TUSC3: variants seen among roughly 807,000 people sequenced by gnomAD.
TUSC3 encodes dolichyl-diphosphooligosaccharide--protein glycosyltransferase subunit TUSC3.
In TUSC3, 45 loss-of-function variants were observed where a neutral mutation model predicts 44.8. The observed-to-expected ratio is 1.00, with a 90% CI of 0.79 to 1.29. TUSC3 has a LOEUF of 1.29. TUSC3 is among the 50% of genes most tolerant of loss of function. The pLI, the probability that TUSC3 is intolerant of heterozygous loss-of-function variation, is 0.00. For missense variants in TUSC3, 519 were observed against 437.9 expected (o/e 1.19, Z -1.65); for synonymous variants, 212 against 152.9 (o/e 1.39, Z -2.85).
chr8:15,686,896 G>A (rs955296373), intron 6 of TUSC3, among the ~76,000 whole-genome samples: 2 of 151,708 alleles, frequency 1.3e-5, no homozygotes, highest in African/African-American at 2.4e-5. Flanking sequence ...GTGAAACCCC[G>A]TCTCTACTAA....
At chr8:15,510,880 G>T (rs542307884) in intron 2 of TUSC3, among the ~76,000 whole-genome samples, 1 of 152,232 alleles carries the variant, frequency 6.6e-6, no homozygotes. Context: ...TTTAAAATTG[G>T]CAGAGGGCTC....
At chr8:15,678,103 T>C (rs1037833864) in intron 6 of TUSC3, among the ~76,000 whole-genome samples, 2 of 152,168 alleles carry the variant, frequency 1.3e-5, no homozygotes, top group African/African-American at 4.8e-5. Context: ...TGCTATGAGA[T>C]CTCTGGGAGC....
intron 1 of TUSC3, among the ~76,000 whole-genome samples, chr8:15,562,380 G>T (rs1478311075): frequency 7.2e-5 from 11 of 152,116 alleles, no homozygotes; most frequent in Non-Finnish European, 1.2e-4. Flanking sequence ...CTTAAGATGA[G>T]TAATCCACTT....
At chr8:15,667,870 C>A (rs1320272184) in intron 5 of TUSC3, among the ~76,000 whole-genome samples, 1 of 151,664 alleles carries the variant, frequency 6.6e-6, no homozygotes, top group Admixed American at 6.6e-5. Flanking sequence ...TTACAGTGGG[C>A]GTGAACATCT....
downstream of TUSC3, among the ~76,000 whole-genome samples, chr8:15,770,507 G>C (rs1812422102): frequency 6.6e-6 from 1 of 152,054 alleles, no homozygotes; most frequent in Non-Finnish European, 1.5e-5. Context: ...GTATACCTCT[G>C]TAACCTGCAT....
intron 1 of TUSC3, among the ~76,000 whole-genome samples, chr8:15,464,454 A>G (rs990225648): frequency 3.9e-5 from 6 of 152,182 alleles, no homozygotes; most frequent in African/African-American, 1.4e-4. Context: ...ATCTAGGCAT[A>G]ATAGGAAACA....
intron 5 of TUSC3, among the ~76,000 whole-genome samples, chr8:15,664,864 T>A (rs1807587511): frequency 6.6e-6 from 1 of 150,748 alleles, no homozygotes; most frequent in South Asian, 2.1e-4. Flanking sequence ...TATGTATATA[T>A]AAATATATAA....
the TUSC3 span, among the ~76,000 whole-genome samples, chr8:15,812,924 T>C: frequency 3.3e-5 from 5 of 152,008 alleles, 1 homozygote; most frequent in Non-Finnish European, 7.4e-5. Context: ...CGAAACCCCA[T>C]CTCTACTAAA....
At chr8:15,479,341 G>T (rs987652261) in intron 1 of TUSC3, among the ~76,000 whole-genome samples, 3 of 152,064 alleles carry the variant, frequency 2.0e-5, no homozygotes, top group African/African-American at 7.2e-5. Context: ...TGATGTTTTT[G>T]TCATGATATT....
intron 2 of TUSC3, among the ~76,000 whole-genome samples, chr8:15,648,114 A>G (rs563575648): frequency 6.6e-6 from 1 of 152,236 alleles, no homozygotes; most frequent in South Asian, 2.1e-4. Flanking sequence ...TGCCTGTTTG[A>G]AAAAGGACTT....
intron 1 of TUSC3, among the ~76,000 whole-genome samples, chr8:15,601,996 TC>T (rs1297082359): frequency 6.6e-6 from 1 of 151,524 alleles, no homozygotes; most frequent in East Asian, 1.9e-4. Context: ...CAATTGAGCA[TC>T]CCTGATCTAA....
Position 15,548,155 on chromosome 8 carries a change from T to G in TUSC3, c.138+7587T>G, listed in dbSNP as rs189440191. Among the ~76,000 whole-genome samples, 129 of 151,624 alleles carry G rather than the reference T, an allele frequency of 8.5e-4. 3 individuals carry two copies. The highest frequency in any genetic ancestry group is 3.2e-3 in the Admixed American group (48 of 15,152). On this transcript the variant is annotated intron_variant, in intron 1 of 10. Coordinates refer to ENST00000503731, the MANE Select transcript of TUSC3 (RefSeq NM_006765.4). ...TCCGTTGCCCCCTAGTTTATGGTAA[T>G]TTGTTATAGCAGCCCAAACGAACGA...
intron 2 of TUSC3, among the ~76,000 whole-genome samples, chr8:15,641,849 A>G (rs1224129353): frequency 6.6e-6 from 1 of 152,216 alleles, no homozygotes; most frequent in East Asian, 1.9e-4. Context: ...TGGTTATTTT[A>G]TATGTATCTA....
chr8:15,643,342 T>G (rs62502086), intron 2 of TUSC3, among the ~76,000 whole-genome samples: 7 of 152,070 alleles, frequency 4.6e-5, no homozygotes, highest in Non-Finnish European at 1.0e-4. Context: ...TTAAATGATT[T>G]CCTTACTACA....
chr8:15,662,861 A>C (rs989860778), intron 5 of TUSC3, among the ~76,000 whole-genome samples: 1 of 151,944 alleles, frequency 6.6e-6, no homozygotes, highest in African/African-American at 2.4e-5. Context: ...AACCTAGAGT[A>C]AAGGGAATCA....
At chr8:15,721,991 G>T (rs1585267069) in intron 6 of TUSC3, among the ~76,000 whole-genome samples, 1 of 151,922 alleles carries the variant, frequency 6.6e-6, no homozygotes, top group Non-Finnish European at 1.5e-5. Context: ...GGAAAATATA[G>T]TAGAATGAGA....
intron 1 of TUSC3, among the ~76,000 whole-genome samples, chr8:15,452,574 G>C (rs1476168728): frequency 6.6e-6 from 1 of 152,124 alleles, no homozygotes; most frequent in Non-Finnish European, 1.5e-5. Context: ...AGTGGGAGGA[G>C]GGGAAAGCAA....
At chr8:15,699,225 A>G (rs577980132) in intron 6 of TUSC3, among the ~76,000 whole-genome samples, 1 of 151,072 alleles carries the variant, frequency 6.6e-6, no homozygotes, top group Non-Finnish European at 1.5e-5. Context: ...AACTGTAACA[A>G]CTATTCAGTG....
At chr8:15,803,223 G>A in the TUSC3 span, among the ~76,000 whole-genome samples, 2 of 152,002 alleles carry the variant, frequency 1.3e-5, no homozygotes, top group South Asian at 4.1e-4. Flanking sequence ...TTATCTTTCC[G>A]GCAATGCAAT....
Sources: allele counts gnomAD v4.1 joint callset (sites outside exome capture counted in the v4.1 genomes callset), GRCh38; gene constraint gnomAD v4.1.1; transcripts MANE v1.5; gene names NCBI Gene and HGNC (gene_info 2026-07-23, HGNC 2026-07-21).